The following CNTN4 variants were observed in gnomAD, a reference collection of about 807,000 sequenced individuals.
CNTN4 encodes contactin 4, also known as contactin-4.
CNTN4 carries 77 observed loss-of-function variants against 122.5 expected under a neutral mutation model. That is an observed-to-expected ratio of 0.63 (90% CI 0.52 to 0.76). CNTN4 has a LOEUF of 0.76. CNTN4 is among the 30% of genes least tolerant of loss of function. The pLI, the probability that CNTN4 is intolerant of heterozygous loss-of-function variation, is 0.00. For synonymous variants in CNTN4, 512 were observed against 447.0 expected (o/e 1.15, Z -1.83); for missense variants, 1,256 against 1,259.1 (o/e 1.00, Z 0.04).
chr3:2,510,687 G>A (rs7614341), intron 3 of CNTN4, among the ~76,000 whole-genome samples: 3,543 of 152,190 alleles, frequency 0.023, 129 homozygotes, highest in African/African-American at 0.081. Flanking sequence ...GGGCAAAAGC[G>A]TGTGTGGCAA....
In CNTN4 at chr3:2,678,801, G is replaced by A. The variant is rs115482625; in HGVS notation, c.56-57414G>A. Reference sequence around the variant, plus strand: ...ACAGGAAAAGAGCTGTATGTCTTACGAAGCAGGCCCACATTAAGTCTGTAG... The same window carrying A: ...ACAGGAAAAGAGCTGTATGTCTTACAAAGCAGGCCCACATTAAGTCTGTAG... On this transcript the variant is annotated intron_variant, in intron 4 of 24. Transcript: ENST00000418658. 9.0e-3 allele frequency among the ~76,000 whole-genome samples: 1,374 copies of A among 152,234 alleles called. 12 individuals carry two copies. Among genetic ancestry groups the A allele is most frequent in the Non-Finnish European group, 0.014 (979 of 68,014 alleles).
At position 2,838,841 on chromosome 3, in the gene CNTN4, G is replaced by A. The variant is rs535736630; in HGVS notation, c.454+19260G>A. 6.6e-5 allele frequency among the ~76,000 whole-genome samples: 10 copies of A among 152,274 alleles called. No individual in the cohort carries two copies. The East Asian group carries it at 7.7e-4, about 12-fold the overall frequency. On this transcript the variant is annotated intron_variant, in intron 7 of 24. Coordinates refer to ENST00000418658, the MANE Select transcript of CNTN4 (RefSeq NM_175607.3). ...TCCATTAATAATGGACTGTCCCGCC[G>A]TAAGCTGTGAGTTTCCTCCCCAACA... is the stretch of plus-strand genomic sequence containing the variant.
intron 4 of CNTN4, among the ~76,000 whole-genome samples, chr3:2,723,138 C>T (rs2087968371): frequency 6.6e-6 from 1 of 152,058 alleles, no homozygotes. Flanking sequence ...TACTGTTATC[C>T]AAACAATAAA....
chr3:2,502,472 A>G (rs148696261), intron 3 of CNTN4, among the ~76,000 whole-genome samples: 3 of 152,198 alleles, frequency 2.0e-5, no homozygotes, highest in Admixed American at 6.5e-5. Flanking sequence ...GGCACCTCCT[A>G]CAGTTGTGTA....
At chr3:2,575,551 T>C (rs2079622907) in intron 4 of CNTN4, among the ~76,000 whole-genome samples, 1 of 152,050 alleles carries the variant, frequency 6.6e-6, no homozygotes, top group African/African-American at 2.4e-5. Context: ...CGCATACACT[T>C]AGACCTTAGG....
At chr3:2,866,641 G>T (rs1437684148) in intron 7 of CNTN4, 111 bp from the exon 8 acceptor site, 3 of 1,243,912 alleles carry the variant, frequency 2.4e-6, no homozygotes, top group Non-Finnish European at 3.5e-6. Context: ...GGCTGAAAAA[G>T]AGTCATTGGA....
intron 4 of CNTN4, among the ~76,000 whole-genome samples, chr3:2,594,488 G>A (rs1159295009): frequency 6.7e-6 from 1 of 149,210 alleles, no homozygotes; most frequent in East Asian, 2.0e-4. Flanking sequence ...GCACGATCTC[G>A]GCTCACTGCA....
intron 3 of CNTN4, among the ~76,000 whole-genome samples, chr3:2,567,011 A>G (rs1410582056): frequency 6.6e-6 from 1 of 152,146 alleles, no homozygotes; most frequent in Admixed American, 6.5e-5. Context: ...GGAAAATAAA[A>G]TCTTTTTAGG....
chr3:2,266,004 A>T (rs2041028789), intron 2 of CNTN4, among the ~76,000 whole-genome samples: 1 of 152,152 alleles, frequency 6.6e-6, no homozygotes, highest in Non-Finnish European at 1.5e-5. Context: ...AAATCGTATC[A>T]TCTGAAAACA....
intron 3 of CNTN4, among the ~76,000 whole-genome samples, chr3:2,444,200 T>C (rs1176085769): frequency 8.1e-6 from 1 of 124,124 alleles, no homozygotes; most frequent in Non-Finnish European, 1.7e-5. Flanking sequence ...ATGAAGCTTG[T>C]ATTCTAGTAA....
chr3:2,633,936 C>A (rs909908005), intron 4 of CNTN4, among the ~76,000 whole-genome samples: 2 of 152,172 alleles, frequency 1.3e-5, no homozygotes, highest in African/African-American at 4.8e-5. Flanking sequence ...CATTACCTTT[C>A]AACATTGTTG....
intron 3 of CNTN4, among the ~76,000 whole-genome samples, chr3:2,446,903 C>T (rs939018114): frequency 6.6e-6 from 1 of 152,138 alleles, no homozygotes. Context: ...TCGTTCTTCC[C>T]TTATTTACTT....
Position 2,655,322 on chromosome 3 carries a change from A to G in CNTN4, c.56-80893A>G, listed in dbSNP as rs369457078. On this transcript the variant is annotated intron_variant, in intron 4 of 24. Transcript: ENST00000418658. Reference sequence around the variant, plus strand: ...TTAAAGAATTTGTGTGCACTATTGCATCACTCAGTATGTATGTGAGGCTTT... The same window carrying G: ...TTAAAGAATTTGTGTGCACTATTGCGTCACTCAGTATGTATGTGAGGCTTT... 5.3e-5 allele frequency among the ~76,000 whole-genome samples: 8 copies of G among 152,224 alleles called. No homozygotes were observed. In the East Asian group the frequency reaches 9.6e-4, roughly 18 times the overall value.
chr3:2,896,066 C>A (rs1422249522), intron 10 of CNTN4, among the ~76,000 whole-genome samples: 2 of 151,648 alleles, frequency 1.3e-5, no homozygotes, highest in Non-Finnish European at 2.9e-5. Context: ...CAAATCAAAT[C>A]AAATGAAAAG....
intron 2 of CNTN4, among the ~76,000 whole-genome samples, chr3:2,120,397 ATATATATAT>A (rs1470047026): frequency 9.8e-5 from 3 of 30,654 alleles, no homozygotes; most frequent in Admixed American, 1.1e-3. Flanking sequence ...ATATATATAT[ATATATATAT>A]TTTTTTTTTT....
intron 23 of CNTN4, among the ~76,000 whole-genome samples, chr3:3,051,892 G>A (rs1014113960): frequency 1.3e-5 from 2 of 152,168 alleles, no homozygotes; most frequent in East Asian, 3.9e-4. Context: ...AGGGATCTTA[G>A]GGAAGGATGA....
At chr3:2,637,232 G>A (rs1054688684) in intron 4 of CNTN4, among the ~76,000 whole-genome samples, 3 of 152,006 alleles carry the variant, frequency 2.0e-5, no homozygotes, top group Non-Finnish European at 4.4e-5. Flanking sequence ...CTGAGCCACC[G>A]TACCTGGCCT....
chr3:2,902,839 A>G (rs552496105), intron 11 of CNTN4, 37 bp from the exon 12 acceptor site: 50 of 1,601,954 alleles, frequency 3.1e-5, no homozygotes, highest in Admixed American at 8.5e-5. Flanking sequence ...TCAGTTGTAG[A>G]AGGTCATTGT....
chr3:2,913,248 C>T (rs527470987), intron 12 of CNTN4, among the ~76,000 whole-genome samples: 3 of 152,258 alleles, frequency 2.0e-5, no homozygotes, highest in Admixed American at 1.3e-4. Context: ...AAAGGGTAAA[C>T]ACAAAAGCTA....
Sources: allele counts gnomAD v4.1 joint callset (sites outside exome capture counted in the v4.1 genomes callset), GRCh38; gene constraint gnomAD v4.1.1; transcripts MANE v1.5; gene names NCBI Gene and HGNC (gene_info 2026-07-23, HGNC 2026-07-21).